The following EXT1 variants were observed in gnomAD, a reference collection of about 807,000 sequenced individuals.
The protein encoded by EXT1 is exostosin glycosyltransferase 1.
EXT1 carries 20 observed loss-of-function variants against 82.5 expected under a neutral mutation model. The ratio of observed to expected loss-of-function variants is 0.24; its 90% CI spans 0.17 to 0.35. The LOEUF is 0.35. Ranked by LOEUF, EXT1 falls within the 10% of genes least tolerant of loss-of-function variation. EXT1 has a pLI of 1.00. For synonymous variants in EXT1, 348 were observed against 350.8 expected, an observed-to-expected ratio of 0.99 and a Z score of 0.09; for missense variants, 757 against 936.5, an observed-to-expected ratio of 0.81 and a Z score of 2.50.
chr8:118,028,201 C>T (rs1259474439), intron 1 of EXT1, among the ~76,000 whole-genome samples: 2 of 152,172 alleles, frequency 1.3e-5, no homozygotes, highest in Non-Finnish European at 2.9e-5. Flanking sequence ...TGGACGTCTG[C>T]GGCAGCCGCT....
intron 1 of EXT1, among the ~76,000 whole-genome samples, chr8:118,001,046 T>C (rs901458084): frequency 6.6e-6 from 1 of 152,214 alleles, no homozygotes; most frequent in Non-Finnish European, 1.5e-5. Flanking sequence ...CAATAAAATA[T>C]ACGATCAACC....
chr8:117,925,301 G>C (rs1813931796), intron 1 of EXT1, among the ~76,000 whole-genome samples: 1 of 151,398 alleles, frequency 6.6e-6, no homozygotes, highest in Admixed American at 6.6e-5. Context: ...ACAGCATTTA[G>C]TATGGTCTCT....
chr8:117,998,955 G>C (rs1387846312), intron 1 of EXT1, among the ~76,000 whole-genome samples: 1 of 152,162 alleles, frequency 6.6e-6, no homozygotes, highest in Non-Finnish European at 1.5e-5. Context: ...TGAGAAGGGA[G>C]GGAACATAAG....
chr8:117,858,677 C>CA (rs796273883), intron 1 of EXT1, among the ~76,000 whole-genome samples: 2,539 of 83,832 alleles, frequency 0.03, 183 homozygotes, highest in African/African-American at 0.12. Context: ...GACTCCATCT[C>CA]AAAAAAAAAA....
At chr8:117,894,454 C>T (rs907631531) in intron 1 of EXT1, among the ~76,000 whole-genome samples, 1 of 152,276 alleles carries the variant, frequency 6.6e-6, no homozygotes, top group Non-Finnish European at 1.5e-5. Flanking sequence ...CTAATCCCAC[C>T]TCTACTTCAC....
chr8:118,039,294 T>C (rs1816482966), intron 1 of EXT1, among the ~76,000 whole-genome samples: 1 of 152,220 alleles, frequency 6.6e-6, no homozygotes, highest in Non-Finnish European at 1.5e-5. Context: ...GCACGGTGGC[T>C]CACGCCTGTA....
At chr8:117,808,936 T>C (rs1427436584) in intron 8 of EXT1, among the ~76,000 whole-genome samples, 2 of 152,086 alleles carry the variant, frequency 1.3e-5, no homozygotes, top group Non-Finnish European at 2.9e-5. Flanking sequence ...ATTCCTCCCC[T>C]TTTTCTTTTT....
chr8:117,837,078 C>T (rs1812198985), intron 2 of EXT1, 30 bp downstream of exon 2: 3 of 1,553,914 alleles, frequency 1.9e-6, no homozygotes, highest in Admixed American at 1.7e-5. Context: ...GTCCTCAGCC[C>T]TATTCTGGGA....
chr8:118,066,535 A>G (rs1816992344), intron 1 of EXT1, among the ~76,000 whole-genome samples: 1 of 151,882 alleles, frequency 6.6e-6, no homozygotes. Context: ...TAGTTTTTGT[A>G]TTCTTAGTAG....
At chr8:118,002,972 C>T (rs1393414194) in intron 1 of EXT1, among the ~76,000 whole-genome samples, 1 of 152,012 alleles carries the variant, frequency 6.6e-6, no homozygotes, top group Non-Finnish European at 1.5e-5. Flanking sequence ...AAATATGGAA[C>T]CAGCACAAAC....
intron 1 of EXT1, among the ~76,000 whole-genome samples, chr8:117,943,481 G>A (rs1323709080): frequency 6.6e-6 from 1 of 152,170 alleles, no homozygotes; most frequent in Non-Finnish European, 1.5e-5. Flanking sequence ...AAAAAAATGT[G>A]TTTATACAAG....
chr8:118,064,345 C>T (rs1033925819), intron 1 of EXT1, among the ~76,000 whole-genome samples: 3 of 151,974 alleles, frequency 2.0e-5, no homozygotes, highest in African/African-American at 2.4e-5. Context: ...CACCCCTTGA[C>T]AGGCCCCGGT....
intron 1 of EXT1, among the ~76,000 whole-genome samples, chr8:118,071,747 G>A (rs935535603): frequency 5.3e-5 from 8 of 152,102 alleles, no homozygotes; most frequent in African/African-American, 1.9e-4. Context: ...GACTTATCAA[G>A]ACAGAAACGT....
chr8:117,896,693 A>C (rs566537419), intron 1 of EXT1, among the ~76,000 whole-genome samples: 6 of 152,322 alleles, frequency 3.9e-5, no homozygotes, highest in African/African-American at 1.4e-4. Context: ...ATCCAAAAGA[A>C]AAATATTAAA....
chr8:117,820,886 G>A (rs995956706), intron 5 of EXT1, among the ~76,000 whole-genome samples: 3 of 152,164 alleles, frequency 2.0e-5, no homozygotes, highest in Middle Eastern at 3.2e-3. Context: ...AAAAAAGTAT[G>A]TGAGGCAGAC....
chr8:117,922,628 G>A (rs1369498462), intron 1 of EXT1, among the ~76,000 whole-genome samples: 1 of 152,162 alleles, frequency 6.6e-6, no homozygotes, highest in Admixed American at 6.5e-5. Context: ...CAAGAGAGAA[G>A]CTGGCTTCTC....
intron 1 of EXT1, among the ~76,000 whole-genome samples, chr8:118,077,779 G>A (rs1817238046): frequency 2.6e-5 from 4 of 152,016 alleles, no homozygotes; most frequent in Admixed American, 2.0e-4. Flanking sequence ...TTCCTGGCTA[G>A]GTCCACACTT....
At chr8:117,864,934 C>A (rs1422100104) in intron 1 of EXT1, among the ~76,000 whole-genome samples, 1 of 151,860 alleles carries the variant, frequency 6.6e-6, no homozygotes, top group Non-Finnish European at 1.5e-5. Context: ...ACAGATTTTT[C>A]AAAAAAGTAG....
intron 1 of EXT1, among the ~76,000 whole-genome samples, chr8:117,855,949 C>T (rs1462925127): frequency 2.0e-5 from 3 of 152,182 alleles, no homozygotes; most frequent in African/African-American, 7.2e-5. Context: ...GGATTACAGG[C>T]GTAAGCCACC....
Sources: allele counts gnomAD v4.1 joint callset (sites outside exome capture counted in the v4.1 genomes callset), GRCh38; gene constraint gnomAD v4.1.1; transcripts MANE v1.5; gene names NCBI Gene and HGNC (gene_info 2026-07-23, HGNC 2026-07-21).